KLF13: variants seen among roughly 807,000 people sequenced by gnomAD.
The protein encoded by KLF13 is KLF transcription factor 13.
KLF13 carries 8 observed loss-of-function variants against 16.7 expected under a neutral mutation model. That is an observed-to-expected ratio of 0.48 (90% confidence interval 0.28 to 0.87). The LOEUF is 0.87. KLF13 is among the 40% of genes least tolerant of loss of function. KLF13 has a pLI of 0.10. For synonymous variants in KLF13, 245 were observed against 208.4 expected (o/e 1.18, Z -1.51); for missense variants, 447 against 452.2 (o/e 0.99, Z 0.10).
At chr15:31,417,543 T>C (rs1255411137) in intron 1 of KLF13, among the ~76,000 whole-genome samples, 2 of 151,986 alleles carry the variant, frequency 1.3e-5, no homozygotes, top group Non-Finnish European at 2.9e-5. Context: ...ATTCTGTCTT[T>C]TTTTTCCTTT....
At chr15:31,348,833 G>T (rs770379721) in intron 1 of KLF13, among the ~76,000 whole-genome samples, 29 of 152,110 alleles carry the variant, frequency 1.9e-4, no homozygotes, top group Non-Finnish European at 3.4e-4. Flanking sequence ...AGATTAAGGC[G>T]CTGGCAGATT....
downstream of KLF13, among the ~76,000 whole-genome samples, chr15:31,405,279 A>G (rs1180764493): frequency 1.3e-5 from 2 of 152,124 alleles, no homozygotes; most frequent in Non-Finnish European, 2.9e-5. Flanking sequence ...GCACCACTGC[A>G]CTCCAGTCTG....
rs371896440 is a variant in KLF13, at chr15:31,423,164, T to TACGTATACATAC, written n.118-12206_118-12205insACGTATACATAC. Among the ~76,000 whole-genome samples, 13 of 25,372 alleles carry TACGTATACATAC rather than the reference T, an allele frequency of 5.1e-4. 2 individuals are homozygous for TACGTATACATAC. Among genetic ancestry groups the TACGTATACATAC allele is most frequent in the African/African-American group, 4.3e-3 (12 of 2,802 alleles). The allele number at this position is 25,372 out of a possible 152,430, so 16.6% of individuals were successfully genotyped here. A position where few individuals can be genotyped will look rare whatever the true frequency, so the allele number is the denominator to read the frequency against. ...GTATACGTATATATACGTATATATA[T>TACGTATACATAC]GTATATATATACATATATACGTATA... On this transcript the variant is annotated intron_variant and non_coding_transcript_variant, in intron 1 of 1. Transcript: ENST00000558225.
rs751046053 is a variant in KLF13, at chr15:31,327,368, C to G, written c.156C>G (p.Arg52=). The G allele has an allele frequency of 5.4e-6, 7 of 1,289,398 alleles. No homozygotes were observed. The highest frequency in any genetic ancestry group is 4.1e-5 in the Admixed American group (1 of 24,654). The allele number at this position is 1,289,398 out of a possible 1,614,324, so 79.9% of individuals were successfully genotyped here. A position where few individuals can be genotyped will look rare whatever the true frequency, so the allele number is the denominator to read the frequency against. Residue 52 remains arginine (R), a synonymous_variant, in exon 1 of 2, where the codon CGC becomes CGG. Coordinates refer to ENST00000307145, the MANE Select transcript of KLF13 (RefSeq NM_015995.4). ...ATPTLPRVEE[R]RDGKDSASLF... is the part of the protein sequence containing the mutation. ...CCACGCTGCCCCGCGTCGAGGAGCG[C>G]CGCGACGGTAAGGACAGCGCCTCGC...
chr15:31,399,164 GC>G (rs1217783272), intron 2 of KLF13, among the ~76,000 whole-genome samples: 4 of 152,174 alleles, frequency 2.6e-5, no homozygotes, highest in African/African-American at 4.8e-5. Context: ...GGGCCCCTTA[GC>G]CCCACAAATG....
chr15:31,391,336 G>A (rs1462143513), upstream of KLF13, among the ~76,000 whole-genome samples: 1 of 138,116 alleles, frequency 7.2e-6, no homozygotes, highest in Middle Eastern at 3.7e-3. Flanking sequence ...CGGGGTTGTG[G>A]GGCTGTGCGG....
chr15:31,423,133 G>GTATATGTATACGTATATATACGTATA (rs771153714), intron 1 of KLF13, among the ~76,000 whole-genome samples: 2 of 95,616 alleles, frequency 2.1e-5, no homozygotes, highest in African/African-American at 6.5e-5. Context: ...GTATATATAC[G>GTATATGTATACGTATATATACGTATA]TATACGTATA....
upstream of KLF13, among the ~76,000 whole-genome samples, chr15:31,388,476 C>A (rs1388638977): frequency 6.6e-6 from 1 of 151,436 alleles, no homozygotes; most frequent in African/African-American, 2.4e-5. Context: ...TAGCCGGGTG[C>A]GGTGGTGCGT....
chr15:31,372,948 TCAGCC>T lies in KLF13; in HGVS notation c.*651_*655del, dbSNP rs2039580331. 6.6e-6 allele frequency: 1 copy of T among 152,394 alleles called. No homozygotes were observed. The highest frequency in any genetic ancestry group is 1.5e-5 in the Non-Finnish European group (1 of 68,170). The allele number at this position is 152,394 out of a possible 1,614,324, so 9.4% of individuals were successfully genotyped here. A position where few individuals can be genotyped will look rare whatever the true frequency, so the allele number is the denominator to read the frequency against. The stretch of plus-strand genomic sequence containing the variant: ...ACCTTGGGGATAGTGGAGGGGGCCT[TCAGCC>T]CTCTGCACCCTGCCTGCCTCACACC... On this transcript the variant is annotated 3_prime_UTR_variant, in exon 2 of 2. Transcript: ENST00000307145.
intron 1 of KLF13, among the ~76,000 whole-genome samples, chr15:31,417,848 C>G (rs570168030): frequency 5.0e-4 from 76 of 152,242 alleles, no homozygotes; most frequent in Non-Finnish European, 8.1e-4. Context: ...GCCCGGCTTT[C>G]TGGTATTCTG....
chr15:31,412,076 G>C (rs2040202458), intron 1 of KLF13, among the ~76,000 whole-genome samples: 1 of 152,160 alleles, frequency 6.6e-6, no homozygotes, highest in African/African-American at 2.4e-5. Context: ...GTTAAGAGGT[G>C]GGCCTTTGGG....
intron 1 of KLF13, among the ~76,000 whole-genome samples, chr15:31,387,576 C>T (rs2039808613): frequency 6.6e-6 from 1 of 152,192 alleles, no homozygotes; most frequent in Non-Finnish European, 1.5e-5. Flanking sequence ...TTGCAGTGGT[C>T]TGGAACCAAA....
At chr15:31,370,149 G>A (rs185209110) in intron 1 of KLF13, among the ~76,000 whole-genome samples, 2 of 141,684 alleles carry the variant, frequency 1.4e-5, no homozygotes, top group African/African-American at 5.3e-5. Context: ...TGTAATTGTC[G>A]TGTATTTGGG....
At chr15:31,353,982 C>G (rs1239536669) in intron 1 of KLF13, among the ~76,000 whole-genome samples, 10 of 152,222 alleles carry the variant, frequency 6.6e-5, no homozygotes, top group African/African-American at 2.4e-4. Context: ...TCCCCTGAGC[C>G]CTTCAGACTC....
chr15:31,400,702 AAGGTGG>A (rs2040021958), intron 2 of KLF13, among the ~76,000 whole-genome samples: 1 of 151,824 alleles, frequency 6.6e-6, no homozygotes, highest in East Asian at 1.9e-4. Context: ...TGCTGTGTGG[AAGGTGG>A]AGGAGGGTGG....
At chr15:31,389,419 G>A (rs1375450324), upstream of KLF13, among the ~76,000 whole-genome samples, 1 of 152,104 alleles carries the variant, frequency 6.6e-6, no homozygotes, top group Admixed American at 6.6e-5. Flanking sequence ...ATGGGGGAGG[G>A]GATCAACGGT....
chr15:31,401,633 G>T (rs1327259804), intron 2 of KLF13, among the ~76,000 whole-genome samples: 1 of 152,204 alleles, frequency 6.6e-6, no homozygotes, highest in Non-Finnish European at 1.5e-5. Context: ...GTGGGAATTT[G>T]ATCCTCTTAA....
downstream of KLF13, among the ~76,000 whole-genome samples, chr15:31,407,301 G>A (rs2040140839): frequency 6.6e-6 from 1 of 152,066 alleles, no homozygotes; most frequent in Non-Finnish European, 1.5e-5. Flanking sequence ...AACACAGGGA[G>A]ACCTCTTCTC....
intron 1 of KLF13, among the ~76,000 whole-genome samples, chr15:31,431,892 C>T (rs2040476825): frequency 1.3e-5 from 2 of 152,302 alleles, no homozygotes; most frequent in South Asian, 4.1e-4. Flanking sequence ...GGGACGCTTG[C>T]TTATGTGGTC....
Sources: allele counts gnomAD v4.1 joint callset (sites outside exome capture counted in the v4.1 genomes callset), GRCh38; gene constraint gnomAD v4.1.1; transcripts MANE v1.5; gene names NCBI Gene and HGNC (gene_info 2026-07-23, HGNC 2026-07-21).